Variants in CDKN1C observed in about 807,000 individuals in gnomAD.
CDKN1C encodes the protein cyclin-dependent kinase inhibitor 1C.
In CDKN1C, 7 loss-of-function variants were observed where a neutral mutation model predicts 16.5. The observed-to-expected ratio is 0.42, with a 90% CI of 0.24 to 0.80. The LOEUF (loss-of-function observed/expected upper bound fraction) is 0.80, where lower values mean the gene tolerates loss of function less well. Among genes scored for constraint, CDKN1C ranks in the 30% least tolerant of loss-of-function variants. The pLI is 0.26. For missense variants in CDKN1C, 429 were observed against 437.3 expected (o/e 0.98, Z 0.17); for synonymous variants, 288 against 214.4 (o/e 1.34, Z -3.00).
chr11:2,884,254 C>T (rs1165416939), intron 2 of CDKN1C, 120 bp from the exon 3 acceptor site: 4 of 563,172 alleles, frequency 7.1e-6, no homozygotes, highest in Non-Finnish European at 9.2e-6. Flanking sequence ...CCGCCCGCGC[C>T]GAGGTCCGCG....
Position 2,884,893 on chromosome 11 carries a change from G to A in CDKN1C, c.564C>T (p.Ala188=), listed in dbSNP as rs1554937891. 3 of 877,744 alleles carry A rather than the reference G, an allele frequency of 3.4e-6. No homozygotes were observed. Among genetic ancestry groups the A allele is most frequent in the Admixed American group, 5.9e-5 (1 of 16,916 alleles). The allele number at this position is 877,744 out of a possible 1,614,324, so 54.4% of individuals were successfully genotyped here. The change falls in exon 2 of 4, where the codon GCC becomes GCT. Residue 188 remains alanine (A), a synonymous_variant. Transcript: ENST00000440480. The part of the protein sequence containing the change: ...APAPAPVAAP[A]PAPAPAPAPA... Reference sequence around the variant, plus strand: ...GGGCCGGGGCCGGGGCCGGGGCTGGGGCCGGGGCCGCGACTGGAGCCGGGG... The same window carrying A: ...GGGCCGGGGCCGGGGCCGGGGCTGGAGCCGGGGCCGCGACTGGAGCCGGGG...
At position 2,885,401 on chromosome 11, in the gene CDKN1C, C is replaced by G. The variant is rs2133786452; in HGVS notation, c.56G>C (p.Cys19Ser). The change falls in exon 2 of 4, where the codon TGC (cysteine) becomes TCC (serine). Residue 19 changes from cysteine (C) to serine (S), a missense_variant. Cys to Ser is a moderately radical substitution (Grantham distance 112, BLOSUM62 -1). Transcript: ENST00000440480. ...TFPVLVRTSA[C>S]RSLFGPVDHE... ...GTCCACCGGCCCGAAGAGGCTGCGG[C>G]AGGCGCTGGTGCGCACTAGTACTGG... The G allele has an allele frequency of 3.8e-6, 6 of 1,558,470 alleles. No individual in the cohort carries two copies. The highest frequency in any genetic ancestry group is 3.5e-6 in the Non-Finnish European group (4 of 1,154,714).
At chr11:2,884,354 G>C (rs1266692001) in intron 2 of CDKN1C, 1 of 217,916 alleles carries the variant, frequency 4.6e-6, no homozygotes. Context: ...CCGCCGCCGC[G>C]CTTAACCCCC....
rs529223353 is a variant in CDKN1C, at chr11:2,884,284, G to A, written c.788-150C>T. ...TCCGCGGCGGGTCAGCTTTGTTTAC[G>A]TCGCCGCGCAATGTGCTGTGTAAGC... On this transcript the variant is annotated intron_variant, in intron 2 of 3. Coordinates refer to ENST00000440480, the MANE Select transcript of CDKN1C (RefSeq NM_001122630.2). The A allele has an allele frequency of 8.0e-4, 270 of 337,942 alleles. 1 individual carries two copies. The highest frequency in any genetic ancestry group is 5.8e-3 in the African/African-American group (262 of 44,968). 20.9% of individuals were successfully genotyped at this position (337,942 alleles called of 1,614,324 possible).
Position 2,885,646 on chromosome 11 carries a change from T to C in CDKN1C, c.-23A>G, listed in dbSNP as rs962994980. On this transcript the variant is annotated 5_prime_UTR_variant, in exon 1 of 4. Transcript: ENST00000440480. ...ACGCGGCGGCTACCTGGCTGTCCGG[T>C]GGTGGACTCTTCTGCGTCGGGTTCG... The C allele has an allele frequency of 1.1e-6, 1 of 875,270 alleles. No individual in the cohort carries two copies. Among genetic ancestry groups the C allele is most frequent in the African/African-American group, 1.7e-5 (1 of 59,414 alleles). 54.2% of individuals were successfully genotyped at this position (875,270 alleles called of 1,614,324 possible).
chr11:2,884,144 A>T lies in CDKN1C; in HGVS notation c.788-10T>A. The T allele has an allele frequency of 4.1e-6, 6 of 1,470,808 alleles. No homozygotes were observed. Among genetic ancestry groups the T allele is most frequent in the Non-Finnish European group, 5.4e-6 (6 of 1,106,368 alleles). 91.1% of individuals were successfully genotyped at this position (1,470,808 alleles called of 1,614,324 possible). Reference sequence around the variant, plus strand: ...CGCTTGGCGAAGAAATCTGCGGGCGACAGCGCGCGCGGCCGGTCAGGGCGG... The same window carrying T: ...CGCTTGGCGAAGAAATCTGCGGGCGTCAGCGCGCGCGGCCGGTCAGGGCGG... On this transcript the variant is annotated splice_polypyrimidine_tract_variant and intron_variant, in intron 2 of 3. Transcript: ENST00000440480.
Position 2,883,990 on chromosome 11 carries a change from T to C in CDKN1C, c.*5+9A>G. 4 of 1,559,674 alleles carry C rather than the reference T, an allele frequency of 2.6e-6. No homozygotes were observed. The highest frequency in any genetic ancestry group is 3.5e-6 in the Non-Finnish European group (4 of 1,153,118). ...GCCCTCCGCGCCCCCCCAGGTGCGCTGTACTCACTTGGCTCACCGCAGCCT... is the reference window on the plus strand; with the variant it reads ...GCCCTCCGCGCCCCCCCAGGTGCGCCGTACTCACTTGGCTCACCGCAGCCT... On this transcript the variant is annotated intron_variant, in intron 3 of 3. Coordinates refer to ENST00000440480, the MANE Select transcript of CDKN1C (RefSeq NM_001122630.2).
At position 2,884,924 on chromosome 11, in the gene CDKN1C, GCCGGAGCCGGA is replaced by G; in HGVS notation, c.522_532del (p.Pro175SerfsTer51). On this transcript the variant is annotated frameshift_variant, in exon 2 of 4. Coordinates refer to ENST00000440480, the MANE Select transcript of CDKN1C (RefSeq NM_001122630.2). LOFTEE classifies it high-confidence loss of function. ...GGCCGCGACTGGAGCCGGGGCCGGAGCCGGAGCCGGAGCCGGGGCCGGGGCCGGGGCCAGGA... is the reference window on the plus strand; with the variant it reads ...GGCCGCGACTGGAGCCGGGGCCGGAGGCCGGGGCCGGGGCCGGGGCCAGGA... The G allele has an allele frequency of 1.1e-6, 1 of 887,220 alleles. No individual in the cohort carries two copies. Among genetic ancestry groups the G allele is most frequent in the Non-Finnish European group, 1.4e-6 (1 of 722,014 alleles). 55.0% of individuals were successfully genotyped at this position (887,220 alleles called of 1,614,324 possible).
rs878853636 is a variant in CDKN1C, at chr11:2,884,872, CGGGGCCGGGGCCGGGGCT to C, written c.567_584del (p.Ala200_Pro205del). 2.0e-4 allele frequency: 166 copies of C among 840,520 alleles called. 1 individual carries two copies. In the Middle Eastern group the frequency reaches 2.2e-3, roughly 11 times the overall value. The allele number at this position is 840,520 out of a possible 1,614,324, so 52.1% of individuals were successfully genotyped here. The stretch of plus-strand genomic sequence containing the variant: ...CCGGGGCCGGGGCGGGGGCCGGGGC[CGGGGCCGGGGCCGGGGCT>C]GGGGCCGGGGCCGCGACTGGAGCCG... On this transcript the variant is annotated inframe_deletion, in exon 2 of 4. Transcript: ENST00000440480.
rs1220263188 is a variant in CDKN1C at position 2,885,132 on chromosome 11, C to G, written c.325G>C (p.Glu109Gln). 1 of 1,485,880 alleles carries G rather than the reference C, an allele frequency of 6.7e-7. No homozygotes were observed. The highest frequency in any genetic ancestry group is 8.9e-7 in the Non-Finnish European group (1 of 1,127,804). The allele number at this position is 1,485,880 out of a possible 1,614,324, so 92.0% of individuals were successfully genotyped here. ...AVAVAVSPPL[E>Q]PAAESLDGLE... The stretch of plus-strand genomic sequence containing the variant: ...CCGTCGAGGGACTCAGCGGCCGGCT[C>G]GAGGGGCGGGCTGACAGCCACCGCG... Residue 109 changes from glutamate (E) to glutamine (Q), a missense_variant, in exon 2 of 4, where the codon GAG becomes CAG. Glu to Gln is a conservative substitution (Grantham distance 29). Transcript: ENST00000440480.
At position 2,883,620 on chromosome 11, in the gene CDKN1C, TTTTTTC is replaced by T; in HGVS notation, c.*295_*300del. On this transcript the variant is annotated 3_prime_UTR_variant, in exon 4 of 4. Transcript: ENST00000440480. Reference sequence around the variant, plus strand: ...CATGGTTTTTTTATTTTTTCCTTTTTTTTTTCTTTTTTCTTTTTTTTGCACTGAGTT... The same window carrying T: ...CATGGTTTTTTTATTTTTTCCTTTTTTTTTTTCTTTTTTTTGCACTGAGTT... 3 of 583,636 alleles carry T rather than the reference TTTTTTC, an allele frequency of 5.1e-6. No individual in the cohort carries two copies. The highest frequency in any genetic ancestry group is 7.8e-6 in the Non-Finnish European group (3 of 384,178). The allele number at this position is 583,636 out of a possible 1,614,324, so 36.2% of individuals were successfully genotyped here. A position where few individuals can be genotyped will look rare whatever the true frequency, so the allele number is the denominator to read the frequency against.
chr11:2,885,097 C>G lies in CDKN1C; in HGVS notation c.360G>C (p.Glu120Asp). ...GGACACTAGGCAGCTGCTCCGGCGC[C>G]TCCTCGAGGCCGTCGAGGGACTCAG... ...PAAESLDGLE[E>D]APEQLPSVPV... The change falls in exon 2 of 4, where the codon GAG becomes GAC. Residue 120 changes from glutamate to aspartate, a missense_variant. By Grantham distance (45) the Glu-to-Asp change is conservative. Transcript: ENST00000440480. 1 of 1,420,790 alleles carries G rather than the reference C, an allele frequency of 7.0e-7. No homozygotes were observed. 88.0% of individuals were successfully genotyped at this position (1,420,790 alleles called of 1,614,324 possible).
rs1238182415 is a variant in CDKN1C, at chr11:2,885,275, C to T, written c.182G>A (p.Arg61Gln). The T allele has an allele frequency of 2.1e-5, 33 of 1,582,642 alleles. No individual in the cohort carries two copies. Among genetic ancestry groups the T allele is most frequent in the Non-Finnish European group, 2.8e-5 (33 of 1,165,892 alleles). ...GGTCCACTGCAGGCGTCCAGGGCCCCGCAGCGGCATGTCCTGCTGGAAGTC... is the reference window on the plus strand; with the variant it reads ...GGTCCACTGCAGGCGTCCAGGGCCCTGCAGCGGCATGTCCTGCTGGAAGTC... The part of the protein sequence containing the change: ...DYDFQQDMPL[R>Q]GPGRLQWTEV... The change falls in exon 2 of 4, where the codon CGG becomes CAG. Residue 61 changes from arginine (R) to glutamine (Q), a missense_variant. Coordinates refer to ENST00000440480, the MANE Select transcript of CDKN1C (RefSeq NM_001122630.2).
chr11:2,884,775 C>A lies in CDKN1C; in HGVS notation c.682G>T (p.Ala228Ser), dbSNP rs781428134. 15 of 1,503,814 alleles carry A rather than the reference C, an allele frequency of 1.0e-5. No individual in the cohort carries two copies. Among genetic ancestry groups the A allele is most frequent in the Middle Eastern group, 1.9e-4 (1 of 5,370 alleles). 93.2% of individuals were successfully genotyped at this position (1,503,814 alleles called of 1,614,324 possible). A position where few individuals can be genotyped will look rare whatever the true frequency, so the allele number is the denominator to read the frequency against. Residue 228 changes from alanine (A) to serine (S), a missense_variant, in exon 2 of 4, where the codon GCT (alanine) becomes TCT (serine). Transcript: ENST00000440480. The part of the protein sequence containing the change: ...NQGQRGQEPL[A>S]DQLHSGISGR... Reference sequence around the variant, plus strand: ...GAAATCCCCGAGTGCAGCTGGTCAGCGAGAGGCTCCTGGCCGCGCTGCCCC... The same window carrying A: ...GAAATCCCCGAGTGCAGCTGGTCAGAGAGAGGCTCCTGGCCGCGCTGCCCC...
rs1165416939 is a variant in CDKN1C, at chr11:2,884,254, C to A, written c.788-120G>T. On this transcript the variant is annotated intron_variant, in intron 2 of 3. Coordinates refer to ENST00000440480, the MANE Select transcript of CDKN1C (RefSeq NM_001122630.2). ...GTGGGGGCGCCGTCCCCGCCCGCGC[C>A]GAGGTCCGCGGCGGGTCAGCTTTGT... The A allele has an allele frequency of 7.1e-6, 4 of 563,172 alleles. No individual in the cohort carries two copies. The East Asian group carries it at 3.6e-4, about 51-fold the overall frequency. 34.9% of individuals were successfully genotyped at this position (563,172 alleles called of 1,614,324 possible). A position where few individuals can be genotyped will look rare whatever the true frequency, so the allele number is the denominator to read the frequency against.
Position 2,883,702 on chromosome 11 carries a change from T to C in CDKN1C, c.*219A>G, listed in dbSNP as rs1848857687. ...AAATGACTCTTAAAGCTTTACACCT[T>C]GGGACCAGTGTACCTTCTCGTGCAG... On this transcript the variant is annotated 3_prime_UTR_variant, in exon 4 of 4. Coordinates refer to ENST00000440480, the MANE Select transcript of CDKN1C (RefSeq NM_001122630.2). 1.7e-6 allele frequency: 2 copies of C among 1,166,668 alleles called. No homozygotes were observed. Among genetic ancestry groups the C allele is most frequent in the East Asian group, 5.9e-5 (2 of 33,690 alleles). 72.3% of individuals were successfully genotyped at this position (1,166,668 alleles called of 1,614,324 possible). A position where few individuals can be genotyped will look rare whatever the true frequency, so the allele number is the denominator to read the frequency against.
Position 2,884,756 on chromosome 11 carries a change from C to T in CDKN1C, c.701G>A (p.Gly234Glu). The change falls in exon 2 of 4, where the codon GGG becomes GAG. Residue 234 changes from glycine to glutamate, a missense_variant. By Grantham distance (98) the Gly-to-Glu change is moderately conservative. Coordinates refer to ENST00000440480, the MANE Select transcript of CDKN1C (RefSeq NM_001122630.2). Reference protein sequence around the residue: ...QEPLADQLHSGISGRPAAGTA... With the variant: ...QEPLADQLHSEISGRPAAGTA... ...GCCGGCCGCGGGACGTCCCGAAATC[C>T]CCGAGTGCAGCTGGTCAGCGAGAGG... 6.6e-7 allele frequency: 1 copy of T among 1,511,414 alleles called. No homozygotes were observed. Among genetic ancestry groups the T allele is most frequent in the East Asian group, 2.8e-5 (1 of 36,266 alleles). 93.6% of individuals were successfully genotyped at this position (1,511,414 alleles called of 1,614,324 possible). A position where few individuals can be genotyped will look rare whatever the true frequency, so the allele number is the denominator to read the frequency against.
In CDKN1C at chr11:2,885,457, C is replaced by A. The variant is rs780549417; in HGVS notation, c.-1G>T. ...TCCCACGGGCGACAAGACGCTCCAT[C>A]GTGGATGTGCTGCGGAGGGACGCGT... On this transcript the variant is annotated 5_prime_UTR_variant, in exon 2 of 4. Coordinates refer to ENST00000440480, the MANE Select transcript of CDKN1C (RefSeq NM_001122630.2). 87 of 1,546,022 alleles carry A rather than the reference C, an allele frequency of 5.6e-5. No homozygotes were observed. Among genetic ancestry groups the A allele is most frequent in the Non-Finnish European group, 6.8e-5 (78 of 1,147,520 alleles).
rs776541692 is a variant in CDKN1C, at chr11:2,884,107, G to A, written c.815C>T (p.Ala272Val). ...SDFFAKRKRSAPEKSSGDVPA... is the reference protein window; with the variant it reads ...SDFFAKRKRSVPEKSSGDVPA... ...GACATCGCCCGACGACTTCTCAGGCGCTGATCTCTTGCGCTTGGCGAAGAA... is the reference window on the plus strand; with the variant it reads ...GACATCGCCCGACGACTTCTCAGGCACTGATCTCTTGCGCTTGGCGAAGAA... Residue 272 changes from alanine to valine, a missense_variant, in exon 3 of 4, where the codon GCG becomes GTG. By Grantham distance (64) the Ala-to-Val change is moderately conservative. Coordinates refer to ENST00000440480, the MANE Select transcript of CDKN1C (RefSeq NM_001122630.2). The A allele has an allele frequency of 1.0e-5, 16 of 1,527,904 alleles. No individual in the cohort carries two copies. In the East Asian group the frequency reaches 1.3e-4, roughly 12 times the overall value. The allele number at this position is 1,527,904 out of a possible 1,614,324, so 94.6% of individuals were successfully genotyped here.
Sources: gnomAD v4.1 joint callset for allele counts on GRCh38, gnomAD v4.1.1 for gene constraint, MANE v1.5 for transcripts, NCBI Gene and HGNC (gene_info 2026-07-23, HGNC 2026-07-21) for gene names.